Variants in UNC5C observed in about 807,000 individuals in gnomAD.
UNC5C encodes unc-5 netrin receptor C.
Under a neutral mutation model 99.8 loss-of-function variants are expected in UNC5C, and 47 were observed. The observed-to-expected ratio is 0.47, with a 90% CI of 0.37 to 0.60. UNC5C has a LOEUF of 0.60. UNC5C is among the 20% of genes least tolerant of loss of function. The probability of loss-of-function intolerance (pLI) is 0.00; values close to 1 mark genes in which losing one functional copy is unlikely to be tolerated. For missense variants in UNC5C, 1,062 were observed against 1,165.9 expected, an observed-to-expected ratio of 0.91 and a Z score of 1.30; for synonymous variants, 487 against 452.2, an observed-to-expected ratio of 1.08 and a Z score of -0.98.
At chr4:95,331,529 T>C (rs963335856) in intron 2 of UNC5C, among the ~76,000 whole-genome samples, 3 of 152,084 alleles carry the variant, frequency 2.0e-5, no homozygotes, top group Non-Finnish European at 4.4e-5. Context: ...TGGATGAAAA[T>C]GAAAGCTCCT....
At chr4:95,476,662 T>C (rs1748159109) in intron 1 of UNC5C, among the ~76,000 whole-genome samples, 1 of 152,128 alleles carries the variant, frequency 6.6e-6, no homozygotes, top group South Asian at 2.1e-4. Flanking sequence ...AAAACAATGC[T>C]GCTTTGAAGA....
intron 1 of UNC5C, among the ~76,000 whole-genome samples, chr4:95,366,521 T>C (rs925814348): frequency 2.0e-5 from 3 of 152,180 alleles, no homozygotes; most frequent in Non-Finnish European, 4.4e-5. Context: ...TTTGAGAAAT[T>C]GCTTCACATT....
chr4:95,203,594 C>T (rs1179249537), intron 11 of UNC5C, among the ~76,000 whole-genome samples: 1 of 152,080 alleles, frequency 6.6e-6, no homozygotes, highest in African/African-American at 2.4e-5. Flanking sequence ...CTCAGCCTCC[C>T]AAGTAGCTGG....
At chr4:95,459,698 G>A (rs377521470) in intron 1 of UNC5C, among the ~76,000 whole-genome samples, 1 of 152,084 alleles carries the variant, frequency 6.6e-6, no homozygotes, top group Non-Finnish European at 1.5e-5. Flanking sequence ...AGTTAGTATA[G>A]GTTCCAACTT....
At chr4:95,414,904 A>G (rs1007228689) in intron 1 of UNC5C, among the ~76,000 whole-genome samples, 1 of 152,222 alleles carries the variant, frequency 6.6e-6, no homozygotes, top group African/African-American at 2.4e-5. Context: ...TGAAGAAAAG[A>G]ATTTTGGAGA....
intron 1 of UNC5C, among the ~76,000 whole-genome samples, chr4:95,352,473 C>T (rs1744025497): frequency 6.6e-6 from 1 of 152,080 alleles, no homozygotes; most frequent in Admixed American, 6.6e-5. Context: ...TTATTTCTTA[C>T]TACCTATCAT....
At chr4:95,226,079 AAT>A (rs1188817350) in intron 7 of UNC5C, among the ~76,000 whole-genome samples, 2 of 152,230 alleles carry the variant, frequency 1.3e-5, no homozygotes, top group Non-Finnish European at 2.9e-5. Flanking sequence ...TCCTAGCAAT[AAT>A]GAAAAATAAC....
chr4:95,385,952 A>G (rs1745199841), intron 1 of UNC5C, among the ~76,000 whole-genome samples: 1 of 152,166 alleles, frequency 6.6e-6, no homozygotes, highest in Admixed American at 6.6e-5. Flanking sequence ...ATACGAAGTT[A>G]AAACACCAAA....
In UNC5C at chr4:95,182,915, G is replaced by A. The variant is rs1442423777; in HGVS notation, c.2433C>T (p.Leu811=). 2 of 1,613,362 alleles carry A rather than the reference G, an allele frequency of 1.2e-6. No individual in the cohort carries two copies. The highest frequency in any genetic ancestry group is 2.2e-5 in the South Asian group (2 of 91,016). Residue 811 remains leucine (L), a synonymous_variant, in exon 14 of 16, where the codon CTC becomes CTT. Transcript: ENST00000453304. ...QVEGEGQIFQ[L]NCTVSEEPTG... ...CACTTACCTCTGACACGGTGCAGTTGAGCTGGAAGATCTGCCCTTCTCCTT... is the reference window on the plus strand; with the variant it reads ...CACTTACCTCTGACACGGTGCAGTTAAGCTGGAAGATCTGCCCTTCTCCTT...
intron 1 of UNC5C, among the ~76,000 whole-genome samples, chr4:95,386,149 C>CCTT (rs1461339433): frequency 6.6e-6 from 1 of 152,128 alleles, no homozygotes; most frequent in African/African-American, 2.4e-5. Flanking sequence ...TCTCTTTGTT[C>CCTT]CTTCTGTCCT....
At chr4:95,480,058 G>A (rs1366178559) in intron 1 of UNC5C, among the ~76,000 whole-genome samples, 2 of 151,394 alleles carry the variant, frequency 1.3e-5, no homozygotes, top group Non-Finnish European at 2.9e-5. Flanking sequence ...CCTGTGTCTT[G>A]GAACCTAGAC....
intron 1 of UNC5C, among the ~76,000 whole-genome samples, chr4:95,433,690 A>C (rs557795804): frequency 6.6e-6 from 1 of 152,112 alleles, no homozygotes; most frequent in African/African-American, 2.4e-5. Flanking sequence ...TTTTTCATGC[A>C]ATATTTACAC....
chr4:95,437,457 G>A (rs1746826727), intron 1 of UNC5C, among the ~76,000 whole-genome samples: 7 of 151,832 alleles, frequency 4.6e-5, no homozygotes. Context: ...CTTTATTTCT[G>A]TGGCATATTG....
chr4:95,361,888 C>A (rs532013197), intron 1 of UNC5C, among the ~76,000 whole-genome samples: 2 of 152,216 alleles, frequency 1.3e-5, no homozygotes, highest in East Asian at 3.9e-4. Context: ...AACCCATTCA[C>A]TCCTTCTTGT....
intron 12 of UNC5C, among the ~76,000 whole-genome samples, chr4:95,196,280 A>C (rs949173206): frequency 2.0e-5 from 3 of 152,220 alleles, no homozygotes; most frequent in African/African-American, 7.2e-5. Flanking sequence ...GGGGAAAAAG[A>C]AAAGCTCTGA....
At chr4:95,224,198 A>C (rs1423765366) in intron 7 of UNC5C, among the ~76,000 whole-genome samples, 2 of 152,188 alleles carry the variant, frequency 1.3e-5, no homozygotes, top group Non-Finnish European at 2.9e-5. Context: ...TGGGAGCATC[A>C]CTTGAGACTG....
At chr4:95,373,420 TC>T (rs1164094326) in intron 1 of UNC5C, among the ~76,000 whole-genome samples, 3 of 152,128 alleles carry the variant, frequency 2.0e-5, no homozygotes. Flanking sequence ...CATATCCTGC[TC>T]CCTCCACGCA....
At chr4:95,525,596 T>TAAAAAAAAAAAAAAAAAAAAAAAAA (rs574532435) in intron 1 of UNC5C, among the ~76,000 whole-genome samples, 4 of 102,164 alleles carry the variant, frequency 3.9e-5, no homozygotes, top group African/African-American at 1.2e-4. Flanking sequence ...GCCTATTTCT[T>TAAAAAAAAAAAAAAAAAAAAAAAAA]AAAAAAAAAA....
chr4:95,445,368 A>AG (rs752606063), intron 1 of UNC5C, among the ~76,000 whole-genome samples: 1 of 151,952 alleles, frequency 6.6e-6, no homozygotes, highest in Non-Finnish European at 1.5e-5. Flanking sequence ...TGCAGTGAAA[A>AG]GGGGAGGGAA....
Sources: gnomAD v4.1 joint callset for allele counts (sites outside exome capture counted in the v4.1 genomes callset) on GRCh38, gnomAD v4.1.1 for gene constraint, MANE v1.5 for transcripts, NCBI Gene and HGNC (gene_info 2026-07-23, HGNC 2026-07-21) for gene names.